TRIM37: variants seen among roughly 807,000 people sequenced by gnomAD.
TRIM37 encodes the protein E3 ubiquitin-protein ligase TRIM37.
In TRIM37, 80 loss-of-function variants were observed where a neutral mutation model predicts 129.8. The observed-to-expected ratio is 0.62, with a 90% confidence interval of 0.51 to 0.74. TRIM37 has a LOEUF of 0.74. Among genes scored for constraint, TRIM37 ranks in the 30% least tolerant of loss-of-function variants. TRIM37 has a pLI of 0.00. For missense variants in TRIM37, 1,054 were observed against 1,176.5 expected (o/e 0.90, Z 1.52); for synonymous variants, 389 against 387.1 (o/e 1.00, Z -0.06).
chr17:59,034,540 G>T (rs1168894805), intron 17 of TRIM37, among the ~76,000 whole-genome samples: 1 of 151,766 alleles, frequency 6.6e-6, no homozygotes, highest in East Asian at 1.9e-4. Context: ...TGTATTTTTA[G>T]TAGAGACGGG....
At chr17:59,084,459 C>T (rs570161694) in intron 4 of TRIM37, among the ~76,000 whole-genome samples, 21 of 152,152 alleles carry the variant, frequency 1.4e-4, no homozygotes, top group Non-Finnish European at 3.1e-4. Flanking sequence ...CATGAGCATG[C>T]ACAAGTACTT....
At chr17:59,059,760 C>G (rs1420943571) in intron 12 of TRIM37, among the ~76,000 whole-genome samples, 1 of 152,182 alleles carries the variant, frequency 6.6e-6, no homozygotes, top group East Asian at 1.9e-4. Context: ...ACAATTTGAT[C>G]CTTTCAGGTC....
intron 18 of TRIM37, 123 bp downstream of exon 18, chr17:59,031,773 T>C (rs2037872110): frequency 1.0e-6 from 1 of 956,842 alleles, no homozygotes; most frequent in African/African-American, 1.7e-5. Flanking sequence ...ATTTTTATGG[T>C]ATACAATGAA....
At position 59,031,971 on chromosome 17, in the gene TRIM37, G is replaced by C. The variant is rs762466762; in HGVS notation, c.1873C>G (p.Leu625Val). Reference protein sequence around the residue: ...DPLILIHLLDLKDRSSIENLW... With the variant: ...DPLILIHLLDVKDRSSIENLW... ...TTTTCTATACTGCTCCGGTCCTTAAGGTCCAACAAATGTATTAAAATTAAT... is the reference window on the plus strand; with the variant it reads ...TTTTCTATACTGCTCCGGTCCTTAACGTCCAACAAATGTATTAAAATTAAT... Residue 625 changes from leucine to valine, a missense_variant, in exon 18 of 24, where the codon CTT becomes GTT. By Grantham distance (32) the Leu-to-Val change is conservative (BLOSUM62 1). Transcript: ENST00000262294. 6.2e-7 allele frequency: 1 copy of C among 1,614,138 alleles called. No individual in the cohort carries two copies. The highest frequency in any genetic ancestry group is 2.2e-5 in the East Asian group (1 of 44,884).
chr17:59,068,825 A>G (rs1003895324), intron 9 of TRIM37, among the ~76,000 whole-genome samples: 5 of 152,196 alleles, frequency 3.3e-5, no homozygotes, highest in African/African-American at 1.2e-4. Flanking sequence ...AGAAGGGCTT[A>G]TAACAGTGAT....
chr17:59,036,982 G>A (rs538989795), intron 17 of TRIM37, among the ~76,000 whole-genome samples: 3 of 151,954 alleles, frequency 2.0e-5, no homozygotes, highest in African/African-American at 7.2e-5. Context: ...TGGAATGGTG[G>A]TGCATGCCTG....
intron 22 of TRIM37, among the ~76,000 whole-genome samples, chr17:59,004,487 C>A (rs573177059): frequency 5.9e-5 from 9 of 151,750 alleles, no homozygotes; most frequent in African/African-American, 1.4e-4. Context: ...AACAAAAAAA[C>A]CACAATGAAA....
rs58856834 is a variant in TRIM37, at chr17:59,037,557, C to CAAAAA, written c.1753+4251_1753+4255dup. Among the ~76,000 whole-genome samples the CAAAAA allele has an allele frequency of 2.4e-3, 179 of 74,016 alleles. 4 individuals are homozygous for CAAAAA. The highest frequency in any genetic ancestry group is 0.03 in the Middle Eastern group (2 of 66). 48.6% of individuals were successfully genotyped at this position (74,016 alleles called of 152,430 possible). On this transcript the variant is annotated intron_variant, in intron 17 of 23. Coordinates refer to ENST00000262294, the MANE Select transcript of TRIM37 (RefSeq NM_015294.6). ...CGGGCAACAGAGCAAGACTCTGTCT[C>CAAAAA]AAAAAAAAAAAAAAAAAAAAAAAAA...
chr17:59,051,821 C>T (rs2040378109), intron 13 of TRIM37, among the ~76,000 whole-genome samples: 1 of 151,896 alleles, frequency 6.6e-6, no homozygotes, highest in Non-Finnish European at 1.5e-5. Flanking sequence ...AGCTCCACCT[C>T]CCGGGTTCAC....
chr17:59,008,601 T>G (rs2034843538), intron 22 of TRIM37, among the ~76,000 whole-genome samples: 1 of 152,184 alleles, frequency 6.6e-6, no homozygotes, highest in Non-Finnish European at 1.5e-5. Context: ...GAGGCTGAAA[T>G]TAAGTCCAAA....
At chr17:59,055,673 G>C (rs1371338139) in intron 13 of TRIM37, among the ~76,000 whole-genome samples, 1 of 129,764 alleles carries the variant, frequency 7.7e-6, no homozygotes, top group East Asian at 2.3e-4. Flanking sequence ...GCGACAGAGG[G>C]AGACTCCATC....
rs1472715796 is a variant in TRIM37, at chr17:59,042,441, AAAAAAAAAATAT to A, written c.1668-555_1668-544del. Among the ~76,000 whole-genome samples, 132 of 84,428 alleles carry A rather than the reference AAAAAAAAAATAT, an allele frequency of 1.6e-3. 1 individual carries two copies. In the East Asian group the frequency reaches 0.021, roughly 13 times the overall value. The allele number at this position is 84,428 out of a possible 152,430, so 55.4% of individuals were successfully genotyped here. ...AGAAAAAAAGGAATTTAAAAAAAAA[AAAAAAAAAATAT>A]ATATATATATATATATATATATCTC... On this transcript the variant is annotated intron_variant, in intron 16 of 23. Coordinates refer to ENST00000262294, the MANE Select transcript of TRIM37 (RefSeq NM_015294.6).
chr17:59,071,478 G>C (rs190082206), intron 8 of TRIM37, among the ~76,000 whole-genome samples: 307 of 151,928 alleles, frequency 2.0e-3, no homozygotes, highest in African/African-American at 6.9e-3. Context: ...GTAGAGACAG[G>C]GTTTCTCCAT....
At chr17:59,001,514 G>T in intron 23 of TRIM37, 84 bp downstream of exon 23, 2 of 1,543,586 alleles carry the variant, frequency 1.3e-6, no homozygotes, top group Non-Finnish European at 1.8e-6. Context: ...GGAAAAAGTA[G>T]AAGTAGCAGC....
At chr17:59,051,411 T>G in intron 13 of TRIM37, 83 bp from the exon 14 acceptor site, 3 of 970,496 alleles carry the variant, frequency 3.1e-6, no homozygotes, top group Non-Finnish European at 4.9e-6. Context: ...CAATTTGGGT[T>G]AACTTGATTA....
At chr17:59,058,793 G>C (rs1474443338) in intron 12 of TRIM37, among the ~76,000 whole-genome samples, 3 of 152,150 alleles carry the variant, frequency 2.0e-5, no homozygotes, top group Non-Finnish European at 4.4e-5. Context: ...GGGCCCAGGA[G>C]GTTGAGGCTG....
intron 13 of TRIM37, among the ~76,000 whole-genome samples, chr17:59,056,094 G>GCCT (rs1338174188): frequency 6.7e-4 from 102 of 152,226 alleles, no homozygotes; most frequent in African/African-American, 2.4e-3. Flanking sequence ...AAAAAAATCA[G>GCCT]CACTTTATCC....
chr17:59,085,825 AT>A (rs2043699196), intron 4 of TRIM37, among the ~76,000 whole-genome samples: 1 of 152,214 alleles, frequency 6.6e-6, no homozygotes, highest in Non-Finnish European at 1.5e-5. Context: ...GACAAAAAAA[AT>A]GTGACATATA....
rs540636411 is a variant in TRIM37 at position 58,988,608 on chromosome 17, G to T, written c.2892-5687C>A. On this transcript the variant is annotated intron_variant, in intron 24 of 24. Coordinates refer to the TRIM37 transcript ENST00000393066. ...TAAAACTGCAACCTAATCCAAGAACGCCAGCCCCTCCCCAGCCCCCGTTAC... is the reference window on the plus strand; with the variant it reads ...TAAAACTGCAACCTAATCCAAGAACTCCAGCCCCTCCCCAGCCCCCGTTAC... Among the ~76,000 whole-genome samples, 7 of 152,046 alleles carry T rather than the reference G, an allele frequency of 4.6e-5. No individual in the cohort carries two copies. In the South Asian group the frequency reaches 1.5e-3, roughly 32 times the overall value.
Sources: gnomAD v4.1 joint callset for allele counts (sites outside exome capture counted in the v4.1 genomes callset) on GRCh38, gnomAD v4.1.1 for gene constraint, MANE v1.5 for transcripts, NCBI Gene and HGNC (gene_info 2026-07-23, HGNC 2026-07-21) for gene names.